The following ZC2HC1A variants were observed in gnomAD, a reference collection of about 807,000 sequenced individuals.
ZC2HC1A encodes the protein zinc finger C2HC-type containing 1A.
In ZC2HC1A, 28 loss-of-function variants were observed where a neutral mutation model predicts 40.7. That is an observed-to-expected ratio of 0.69 (90% CI 0.51 to 0.94). The LOEUF is 0.94. Among genes scored for constraint, ZC2HC1A ranks in the 40% least tolerant of loss-of-function variants. ZC2HC1A has a pLI of 0.00. For missense variants in ZC2HC1A, 389 were observed against 386.3 expected (o/e 1.01, Z -0.06); for synonymous variants, 129 against 129.2 (o/e 1.00, Z 0.01).
chr8:78,695,480 C>A (rs1810370189), intron 5 of ZC2HC1A, among the ~76,000 whole-genome samples: 1 of 152,124 alleles, frequency 6.6e-6, no homozygotes, highest in African/African-American at 2.4e-5. Flanking sequence ...TTATGCTAAT[C>A]ATTTTGCTCT....
Position 78,675,820 on chromosome 8 carries a change from T to C in ZC2HC1A, c.50T>C (p.Leu17Ser), listed in dbSNP as rs1477099319. The C allele has an allele frequency of 6.2e-7, 1 of 1,610,416 alleles. No homozygotes were observed. Among genetic ancestry groups the C allele is most frequent in the Non-Finnish European group, 8.5e-7 (1 of 1,177,832 alleles). The change falls in exon 2 of 9, where the codon TTA becomes TCA. Residue 17 changes from leucine (L) to serine (S), a missense_variant. Leu to Ser is a moderately radical substitution (Grantham distance 145). Transcript: ENST00000263849. ...GGTGTTGTCCAAGTTGGAGAATTGT[T>C]ACCTTGCAAGATTTGTGGAAGAACA... ...NGGVVQVGEL[L>S]PCKICGRTFF... is the part of the protein sequence containing the mutation.
At chr8:78,673,492 C>T (rs185339954) in intron 1 of ZC2HC1A, among the ~76,000 whole-genome samples, 54 of 152,328 alleles carry the variant, frequency 3.5e-4, no homozygotes, top group African/African-American at 1.1e-3. Flanking sequence ...AATCACCACA[C>T]TGACTTCCAC....
rs1169352068 is a variant in ZC2HC1A at position 78,718,297 on chromosome 8, A to G, written c.*804A>G. 1 of 151,730 alleles carries G rather than the reference A, an allele frequency of 6.6e-6. No individual in the cohort carries two copies. Among genetic ancestry groups the G allele is most frequent in the East Asian group, 1.9e-4 (1 of 5,188 alleles). 9.4% of individuals were successfully genotyped at this position (151,730 alleles called of 1,614,324 possible). On this transcript the variant is annotated 3_prime_UTR_variant, in exon 9 of 9. Transcript: ENST00000263849. ...GAAGATAGTTTTAATTTGCTAGTTC[A>G]TTTTTTGCTGTATTTGAAAATGTAA...
chr8:78,675,974 T>G (rs1452821540), intron 2 of ZC2HC1A, 111 bp downstream of exon 2: 1 of 870,242 alleles, frequency 1.1e-6, no homozygotes, highest in Non-Finnish European at 1.8e-6. Flanking sequence ...GAAGAGTTAA[T>G]GGGTACTATT....
rs990557761 is a variant in ZC2HC1A, at chr8:78,688,970, G to GT, written c.353-244dup. The stretch of plus-strand genomic sequence containing the variant: ...CTTTTGTACTAAGGATTTATCTTTT[G>GT]TTTTTTTTCCTTCACACATTTGATT... On this transcript the variant is annotated intron_variant, in intron 4 of 8. Coordinates refer to ENST00000263849, the MANE Select transcript of ZC2HC1A (RefSeq NM_016010.3). Among the ~76,000 whole-genome samples the GT allele has an allele frequency of 4.0e-5, 6 of 148,566 alleles. No individual in the cohort carries two copies. In the South Asian group the frequency reaches 8.5e-4, roughly 21 times the overall value.
In ZC2HC1A at chr8:78,666,295, C is replaced by T. The variant is rs568739670; in HGVS notation, c.16+131C>T. ...ACCTCGCCGCGTCCCGCCGCGCCTC[C>T]GGAGGCTGGGGCCGAAGGGAACCGG... On this transcript the variant is annotated intron_variant, in intron 1 of 8. Coordinates refer to ENST00000263849, the MANE Select transcript of ZC2HC1A (RefSeq NM_016010.3). The T allele has an allele frequency of 8.8e-5, 128 of 1,455,912 alleles. No individual in the cohort carries two copies. The African/African-American group carries it at 1.6e-3, about 19-fold the overall frequency. 90.2% of individuals were successfully genotyped at this position (1,455,912 alleles called of 1,614,324 possible).
Position 78,698,495 on chromosome 8 carries a change from T to C in ZC2HC1A, c.686T>C (p.Ile229Thr), listed in dbSNP as rs770305802. The C allele has an allele frequency of 6.2e-7, 1 of 1,610,384 alleles. No individual in the cohort carries two copies. The highest frequency in any genetic ancestry group is 8.5e-7 in the Non-Finnish European group (1 of 1,177,362). The change falls in exon 7 of 9, where the codon ATA becomes ACA. Residue 229 changes from isoleucine to threonine, a missense_variant. By Grantham distance (89) the Ile-to-Thr change is moderately conservative. Coordinates refer to ENST00000263849, the MANE Select transcript of ZC2HC1A (RefSeq NM_016010.3). ...LQTLSPSHKG[I>T]AAPHAGANVK... The stretch of plus-strand genomic sequence containing the variant: ...ACCTTATCTCCCTCTCATAAAGGGA[T>C]AGCAGCCCCTCATGCAGGGTAAGTC...
chr8:78,673,430 C>T (rs935796263), intron 1 of ZC2HC1A, among the ~76,000 whole-genome samples: 8 of 152,118 alleles, frequency 5.3e-5, no homozygotes, highest in East Asian at 1.9e-4. Flanking sequence ...GGTACATACC[C>T]GGTAATGGGA....
intron 5 of ZC2HC1A, among the ~76,000 whole-genome samples, chr8:78,690,013 C>G (rs62518979): frequency 0.051 from 7,782 of 152,112 alleles, 280 homozygotes; most frequent in Middle Eastern, 0.082. Context: ...CTTTTGTTTT[C>G]TATGTGGATA....
chr8:78,672,267 T>A (rs1281123060), intron 1 of ZC2HC1A, among the ~76,000 whole-genome samples: 1 of 152,176 alleles, frequency 6.6e-6, no homozygotes, highest in African/African-American at 2.4e-5. Flanking sequence ...AGGCACATGA[T>A]GATTATTTTA....
At chr8:78,687,510 A>G (rs1810030745) in intron 4 of ZC2HC1A, among the ~76,000 whole-genome samples, 1 of 142,588 alleles carries the variant, frequency 7.0e-6, no homozygotes, top group South Asian at 2.1e-4. Context: ...AATAAATTAT[A>G]TATATTTATA....
At position 78,678,599 on chromosome 8, in the gene ZC2HC1A, A is replaced by G. The variant is rs771991442; in HGVS notation, c.130A>G (p.Lys44Glu). Residue 44 changes from lysine to glutamate, a missense_variant, in exon 3 of 9, where the codon AAA (lysine) becomes GAA (glutamate). Lys to Glu is a moderately conservative substitution (Grantham distance 56, BLOSUM62 1). Transcript: ENST00000263849. Reference sequence around the variant, plus strand: ...ACCCATTTGCCAGAAGACTGCAACTAAAAAACGGAAGACTTTTGATTCAAG... The same window carrying G: ...ACCCATTTGCCAGAAGACTGCAACTGAAAAACGGAAGACTTTTGATTCAAG... The part of the protein sequence containing the change: ...HGPICQKTAT[K>E]KRKTFDSSRQ... The G allele has an allele frequency of 1.9e-6, 3 of 1,612,258 alleles. No individual in the cohort carries two copies. The highest frequency in any genetic ancestry group is 2.5e-6 in the Non-Finnish European group (3 of 1,179,214).
At position 78,686,566 on chromosome 8, in the gene ZC2HC1A, G is replaced by A. The variant is rs1433232139; in HGVS notation, c.310G>A (p.Gly104Ser). The part of the protein sequence containing the change: ...AKGLDQALKE[G>S]GKLPPPPPPS... ...AGGCCTTGATCAGGCCCTCAAAGAG[G>A]GTGGCAAACTTCCTCCTCCTCCTCC... Residue 104 changes from glycine to serine, a missense_variant, in exon 4 of 9, where the codon GGT becomes AGT. Coordinates refer to ENST00000263849, the MANE Select transcript of ZC2HC1A (RefSeq NM_016010.3). 2.6e-6 allele frequency: 4 copies of A among 1,531,976 alleles called. No homozygotes were observed. The highest frequency in any genetic ancestry group is 3.5e-6 in the Non-Finnish European group (4 of 1,138,458). The allele number at this position is 1,531,976 out of a possible 1,614,324, so 94.9% of individuals were successfully genotyped here.
intron 1 of ZC2HC1A, among the ~76,000 whole-genome samples, chr8:78,670,735 T>G (rs1340408658): frequency 6.6e-6 from 1 of 152,104 alleles, no homozygotes; most frequent in Non-Finnish European, 1.5e-5. Context: ...AAGAGGAAAC[T>G]TGAGTGTTTT....
Position 78,691,589 on chromosome 8 carries a change from C to A in ZC2HC1A, c.504+2216C>A, listed in dbSNP as rs6980663. On this transcript the variant is annotated intron_variant, in intron 5 of 8. Transcript: ENST00000263849. ...TACATTTGGTGCAATTATTGATTTG[C>A]TTATGTTTAGGTCTGCCATCTGTTT... Among the ~76,000 whole-genome samples the A allele has an allele frequency of 2.6e-5, 4 of 151,992 alleles. No individual in the cohort carries two copies. In the East Asian group the frequency reaches 7.7e-4, roughly 29 times the overall value.
intron 4 of ZC2HC1A, among the ~76,000 whole-genome samples, chr8:78,687,196 G>A (rs1165732204): frequency 6.6e-6 from 1 of 151,908 alleles, no homozygotes; most frequent in African/African-American, 2.4e-5. Flanking sequence ...AAGTGACAAA[G>A]TTGACACTTT....
intron 6 of ZC2HC1A, 121 bp from the exon 7 acceptor site, chr8:78,698,293 A>G: frequency 2.6e-6 from 2 of 768,220 alleles, no homozygotes; most frequent in Non-Finnish European, 4.0e-6. Context: ...AAATGTCTTC[A>G]ATGAAAACTT....
chr8:78,668,060 C>G (rs185445267), intron 1 of ZC2HC1A, among the ~76,000 whole-genome samples: 1 of 151,886 alleles, frequency 6.6e-6, no homozygotes, highest in East Asian at 1.9e-4. Flanking sequence ...TTATGTAGGG[C>G]AAAACAGTTG....
intron 7 of ZC2HC1A, chr8:78,712,162 TTA>T: frequency 9.6e-7 from 1 of 1,037,182 alleles, no homozygotes; most frequent in Non-Finnish European, 1.3e-6. Flanking sequence ...CTTAAAAGCT[TTA>T]TATAATGGAA....
Sources: gnomAD v4.1 joint callset for allele counts (sites outside exome capture counted in the v4.1 genomes callset) on GRCh38, gnomAD v4.1.1 for gene constraint, MANE v1.5 for transcripts, NCBI Gene and HGNC (gene_info 2026-07-23, HGNC 2026-07-21) for gene names.